The following RABGAP1L variants were observed in gnomAD, a reference collection of about 807,000 sequenced individuals.
RABGAP1L encodes RAB GTPase activating protein 1 like, also known as rab GTPase-activating protein 1-like.
RABGAP1L carries 63 observed loss-of-function variants against 137.7 expected under a neutral mutation model. The observed-to-expected ratio is 0.46, with a 90% CI of 0.37 to 0.56. The LOEUF (loss-of-function observed/expected upper bound fraction) is 0.56. Ranked by LOEUF, RABGAP1L falls within the 20% of genes least tolerant of loss-of-function variation. RABGAP1L has a pLI of 0.00. For synonymous variants in RABGAP1L, 431 were observed against 433.7 expected (o/e 0.99, Z 0.08); for missense variants, 1,095 against 1,244.0 (o/e 0.88, Z 1.80).
chr1:174,479,542 C>T (rs982796120), intron 13 of RABGAP1L, among the ~76,000 whole-genome samples: 7 of 152,124 alleles, frequency 4.6e-5, no homozygotes. Flanking sequence ...ATTCATGGTC[C>T]CTTCTGGAAT....
intron 11 of RABGAP1L, among the ~76,000 whole-genome samples, chr1:174,327,994 T>TATACATAC (rs1680660508): frequency 1.3e-5 from 1 of 77,394 alleles, no homozygotes; most frequent in African/African-American, 6.5e-5. Flanking sequence ...CACATATATA[T>TATACATAC]ATATATATAT....
chr1:174,274,950 A>G (rs975796278), intron 8 of RABGAP1L: 1 of 152,190 alleles, frequency 6.6e-6, no homozygotes, highest in Non-Finnish European at 1.5e-5. Context: ...GGAAATCGCT[A>G]CAAAAACTGA....
chr1:174,878,632 T>A (rs1653560323), intron 19 of RABGAP1L, among the ~76,000 whole-genome samples: 1 of 152,060 alleles, frequency 6.6e-6, no homozygotes, highest in African/African-American at 2.4e-5. Context: ...TAAACCTAAC[T>A]AATATGAAGA....
intron 19 of RABGAP1L, among the ~76,000 whole-genome samples, chr1:174,821,998 C>T (rs1691074205): frequency 6.6e-6 from 1 of 152,206 alleles, no homozygotes; most frequent in Non-Finnish European, 1.5e-5. Flanking sequence ...TGCGGTGGCT[C>T]ACGCCTGTAA....
At chr1:174,265,050 G>A (rs1028437281) in intron 7 of RABGAP1L, among the ~76,000 whole-genome samples, 4 of 152,178 alleles carry the variant, frequency 2.6e-5, no homozygotes, top group African/African-American at 9.6e-5. Flanking sequence ...CCTGCAAAAT[G>A]AGCCTTTATG....
At chr1:174,325,577 G>A (rs748778096) in intron 11 of RABGAP1L, among the ~76,000 whole-genome samples, 14 of 152,308 alleles carry the variant, frequency 9.2e-5, no homozygotes, top group Non-Finnish European at 1.9e-4. Context: ...AGCCATTACA[G>A]TACCACACGT....
intron 11 of RABGAP1L, among the ~76,000 whole-genome samples, chr1:174,341,753 T>C (rs982936778): frequency 6.6e-6 from 1 of 152,212 alleles, no homozygotes; most frequent in Admixed American, 6.5e-5. Context: ...CAAATAATTA[T>C]CTTATGACCT....
intron 19 of RABGAP1L, among the ~76,000 whole-genome samples, chr1:174,923,372 G>A (rs1185495216): frequency 1.3e-5 from 2 of 151,932 alleles, no homozygotes; most frequent in African/African-American, 4.8e-5. Context: ...ATGTTTATTG[G>A]GTAATAAAGA....
intron 18 of RABGAP1L, chr1:174,800,576 G>T: frequency 6.7e-7 from 1 of 1,490,300 alleles, no homozygotes. Context: ...ATCTCTGAAA[G>T]AGGCTTGTTG....
intron 13 of RABGAP1L, among the ~76,000 whole-genome samples, chr1:174,602,207 C>G (rs1670466670): frequency 6.6e-6 from 1 of 152,128 alleles, no homozygotes; most frequent in South Asian, 2.1e-4. Flanking sequence ...TAAAGACATA[C>G]CTGAGACTTG....
chr1:174,395,302 A>G (rs182125390), intron 13 of RABGAP1L, among the ~76,000 whole-genome samples: 141 of 152,292 alleles, frequency 9.3e-4, no homozygotes, highest in African/African-American at 3.1e-3. Flanking sequence ...AAGTGGATTT[A>G]CAGGTTATCT....
intron 5 of RABGAP1L, among the ~76,000 whole-genome samples, chr1:174,242,067 T>C (rs1460160740): frequency 1.3e-5 from 2 of 152,242 alleles, no homozygotes; most frequent in Non-Finnish European, 2.9e-5. Flanking sequence ...CATTTAGATA[T>C]TGCATTAAGA....
intron 19 of RABGAP1L, among the ~76,000 whole-genome samples, chr1:174,833,824 CAG>C (rs933355527): frequency 6.6e-6 from 1 of 151,738 alleles, no homozygotes; most frequent in Admixed American, 6.6e-5. Context: ...CAAAAGGAAA[CAG>C]AAAGTTGTTT....
chr1:174,349,328 C>A (rs1302655266), intron 11 of RABGAP1L, among the ~76,000 whole-genome samples: 1 of 125,666 alleles, frequency 8.0e-6, no homozygotes, highest in Non-Finnish European at 1.7e-5. Context: ...CCCTCACCTC[C>A]CGGATGGGGC....
rs556162794 is a variant in RABGAP1L at position 174,459,828 on chromosome 1, C to T, written c.1710+65683C>T. On this transcript the variant is annotated intron_variant, in intron 13 of 25. Coordinates refer to ENST00000681986, the MANE Select transcript of RABGAP1L (RefSeq NM_001366446.1). ...GAGATAGTAGAGCCATCATTAGAAC[C>T]CATATAGTCAGAGTGAATACCTTAA... 1.1e-4 allele frequency among the ~76,000 whole-genome samples: 16 copies of T among 152,086 alleles called. No homozygotes were observed. The South Asian group carries it at 3.3e-3, about 32-fold the overall frequency.
At chr1:174,490,894 C>T (rs1470715013) in intron 13 of RABGAP1L, among the ~76,000 whole-genome samples, 3 of 152,068 alleles carry the variant, frequency 2.0e-5, no homozygotes, top group Non-Finnish European at 4.4e-5. Context: ...CACCAATGTT[C>T]ATTTAAAGCC....
chr1:174,672,871 G>C (rs1042100159), intron 14 of RABGAP1L, among the ~76,000 whole-genome samples: 1 of 152,082 alleles, frequency 6.6e-6, no homozygotes, highest in Non-Finnish European at 1.5e-5. Flanking sequence ...GGGAAGCCTT[G>C]AGAATATACT....
chr1:174,461,148 C>T (rs564864360), intron 13 of RABGAP1L, among the ~76,000 whole-genome samples: 16 of 152,156 alleles, frequency 1.1e-4, no homozygotes, highest in African/African-American at 2.4e-4. Flanking sequence ...AGAAAGGTTT[C>T]GAAATTTTTT....
chr1:174,393,302 CTCT>C (rs1647383689), intron 12 of RABGAP1L, among the ~76,000 whole-genome samples: 2 of 152,172 alleles, frequency 1.3e-5, no homozygotes, highest in South Asian at 4.1e-4. Flanking sequence ...CAATAATGAA[CTCT>C]TCTTACTAGA....
Sources: allele counts gnomAD v4.1 joint callset (sites outside exome capture counted in the v4.1 genomes callset), GRCh38; gene constraint gnomAD v4.1.1; transcripts MANE v1.5; gene names NCBI Gene and HGNC (gene_info 2026-07-23, HGNC 2026-07-21).